Variants in TMEM132C observed in about 807,000 individuals in gnomAD.
TMEM132C encodes the protein protein phosphatase 1, regulatory subunit 152.
TMEM132C carries 29 observed loss-of-function variants against 61.4 expected under a neutral mutation model. The observed-to-expected ratio is 0.47, with a 90% confidence interval of 0.35 to 0.64. The LOEUF is 0.64. Among genes scored for constraint, TMEM132C ranks in the 30% least tolerant of loss-of-function variants. The probability of loss-of-function intolerance (pLI) is 0.00; values close to 1 mark genes in which losing one functional copy is unlikely to be tolerated. For synonymous variants in TMEM132C, 656 were observed against 633.1 expected, an observed-to-expected ratio of 1.04 and a Z score of -0.54; for missense variants, 1,408 against 1,476.9, an observed-to-expected ratio of 0.95 and a Z score of 0.76.
Position 128,324,429 on chromosome 12 carries a change from G to A in TMEM132C, c.85+56942G>A, listed in dbSNP as rs577243879. Among the ~76,000 whole-genome samples the A allele has an allele frequency of 6.6e-4, 100 of 152,226 alleles. No individual in the cohort carries two copies. The South Asian group carries it at 0.015, about 22-fold the overall frequency. ...TAGTACTTACTTGCTGACTCTCCACGTCCATGAGTGCATGTGTGTGGGTAT... is the reference window on the plus strand; with the variant it reads ...TAGTACTTACTTGCTGACTCTCCACATCCATGAGTGCATGTGTGTGGGTAT... On this transcript the variant is annotated intron_variant, in intron 1 of 8. Coordinates refer to ENST00000435159, the MANE Select transcript of TMEM132C (RefSeq NM_001136103.3).
chr12:128,556,492 T>C (rs1874333489), intron 3 of TMEM132C, among the ~76,000 whole-genome samples: 1 of 152,192 alleles, frequency 6.6e-6, no homozygotes, highest in Admixed American at 6.5e-5. Context: ...TTATAGGTTG[T>C]ACTTTTTTCA....
intron 5 of TMEM132C, among the ~76,000 whole-genome samples, chr12:128,679,541 A>G (rs1393095058): frequency 6.6e-6 from 1 of 152,216 alleles, no homozygotes; most frequent in Non-Finnish European, 1.5e-5. Context: ...TTATAGGAGC[A>G]CAAGTGGCCA....
At chr12:128,302,162 A>G (rs1233577498) in intron 1 of TMEM132C, among the ~76,000 whole-genome samples, 3 of 152,104 alleles carry the variant, frequency 2.0e-5, no homozygotes, top group African/African-American at 7.2e-5. Context: ...ATGGTCACTC[A>G]CCTTTGTGCC....
At chr12:128,575,857 T>G (rs1334094731) in intron 3 of TMEM132C, among the ~76,000 whole-genome samples, 1 of 152,214 alleles carries the variant, frequency 6.6e-6, no homozygotes, top group Non-Finnish European at 1.5e-5. Context: ...CACTCAGTAG[T>G]CTTTTGGTCC....
chr12:128,395,346 TAATG>T (rs1340345623), intron 1 of TMEM132C, among the ~76,000 whole-genome samples: 2 of 152,150 alleles, frequency 1.3e-5, no homozygotes, highest in Non-Finnish European at 2.9e-5. Flanking sequence ...AATTGTGTAA[TAATG>T]GTAACTATCT....
chr12:128,382,372 G>T (rs1024707114), intron 1 of TMEM132C, among the ~76,000 whole-genome samples: 5 of 152,174 alleles, frequency 3.3e-5, no homozygotes, highest in African/African-American at 1.2e-4. Flanking sequence ...AGACATCAAA[G>T]ATCGAGATAG....
chr12:128,396,908 C>G (rs1874977346), intron 1 of TMEM132C, among the ~76,000 whole-genome samples: 1 of 152,196 alleles, frequency 6.6e-6, no homozygotes, highest in Non-Finnish European at 1.5e-5. Flanking sequence ...TGGATAGCCT[C>G]TTCTATTATT....
At chr12:128,531,160 G>A (rs915554798) in intron 2 of TMEM132C, among the ~76,000 whole-genome samples, 2 of 152,184 alleles carry the variant, frequency 1.3e-5, no homozygotes, top group Non-Finnish European at 2.9e-5. Flanking sequence ...CCTTGCTGGG[G>A]ACCAGAACAG....
At chr12:128,666,247 GCACA>G (rs1432196378) in intron 4 of TMEM132C, among the ~76,000 whole-genome samples, 1 of 98,860 alleles carries the variant, frequency 1.0e-5, no homozygotes, top group African/African-American at 4.0e-5. Context: ...ACATTCACAG[GCACA>G]CACATTCACA....
intron 1 of TMEM132C, among the ~76,000 whole-genome samples, chr12:128,407,820 G>T (rs151063614): frequency 1.8e-3 from 278 of 152,318 alleles, no homozygotes; most frequent in African/African-American, 6.5e-3. Context: ...CTCTTGATGG[G>T]AGAACTGCAA....
chr12:128,325,394 G>A (rs937781848), intron 1 of TMEM132C, among the ~76,000 whole-genome samples: 1 of 151,950 alleles, frequency 6.6e-6, no homozygotes, highest in Non-Finnish European at 1.5e-5. Context: ...CCTTCCATAG[G>A]ATCACCATTC....
Position 128,465,201 on chromosome 12 carries a change from CT to C in TMEM132C, c.974+49596del, listed in dbSNP as rs776251493. Among the ~76,000 whole-genome samples the C allele has an allele frequency of 6.4e-3, 899 of 140,200 alleles. 5 individuals are homozygous for C. Among genetic ancestry groups the C allele is most frequent in the African/African-American group, 0.014 (530 of 38,424 alleles). The allele number at this position is 140,200 out of a possible 152,430, so 92.0% of individuals were successfully genotyped here. A position where few individuals can be genotyped will look rare whatever the true frequency, so the allele number is the denominator to read the frequency against. On this transcript the variant is annotated intron_variant, in intron 2 of 8. Coordinates refer to ENST00000435159, the MANE Select transcript of TMEM132C (RefSeq NM_001136103.3). The stretch of plus-strand genomic sequence containing the variant: ...TCATCATCCTGATCATTCTTCATTT[CT>C]TTTTTTTTTTTTTTGAGACAGTGTC...
In TMEM132C at chr12:128,414,668, T is replaced by G. The variant is rs766465359; in HGVS notation, c.86-64T>G. ...CTAAATGGCTTACAGACCTAACAGC[T>G]AATGAGCAGCCCATTAATAATCCTG... On this transcript the variant is annotated intron_variant, in intron 1 of 8. Coordinates refer to ENST00000435159, the MANE Select transcript of TMEM132C (RefSeq NM_001136103.3). The G allele has an allele frequency of 2.8e-5, 40 of 1,437,066 alleles. No homozygotes were observed. The Admixed American group carries it at 8.6e-4, about 31-fold the overall frequency. The allele number at this position is 1,437,066 out of a possible 1,614,324, so 89.0% of individuals were successfully genotyped here. A position where few individuals can be genotyped will look rare whatever the true frequency, so the allele number is the denominator to read the frequency against.
intron 1 of TMEM132C, among the ~76,000 whole-genome samples, chr12:128,307,625 C>T (rs920676856): frequency 6.6e-6 from 1 of 152,148 alleles, no homozygotes; most frequent in African/African-American, 2.4e-5. Flanking sequence ...CTAAATTATT[C>T]CTCGATGTCT....
rs1875593582 is a variant in TMEM132C, at chr12:128,587,505, C to G, written c.1122-28647C>G. On this transcript the variant is annotated intron_variant, in intron 3 of 8. Transcript: ENST00000435159. ...ACAATCACCTCGGGGGCTTAGATTTCAGCATCTGGATTTATCCGGGGGACA... is the reference window on the plus strand; with the variant it reads ...ACAATCACCTCGGGGGCTTAGATTTGAGCATCTGGATTTATCCGGGGGACA... Among the ~76,000 whole-genome samples, 3 of 152,238 alleles carry G rather than the reference C, an allele frequency of 2.0e-5. No individual in the cohort carries two copies. The South Asian group carries it at 6.2e-4, about 32-fold the overall frequency.
chr12:128,666,817 A>T (rs1954481417), intron 4 of TMEM132C, among the ~76,000 whole-genome samples: 1 of 152,236 alleles, frequency 6.6e-6, no homozygotes, highest in South Asian at 2.1e-4. Context: ...GATATTGGTC[A>T]GTGAAAAATA....
intron 3 of TMEM132C, among the ~76,000 whole-genome samples, chr12:128,559,216 TCAAA>T (rs1475674783): frequency 2.0e-5 from 3 of 151,222 alleles, no homozygotes; most frequent in East Asian, 3.9e-4. Flanking sequence ...CACTGCAACT[TCAAA>T]CAATTTTTTT....
chr12:128,668,045 G>C (rs1355470585), intron 4 of TMEM132C, among the ~76,000 whole-genome samples: 3 of 152,214 alleles, frequency 2.0e-5, no homozygotes, highest in Non-Finnish European at 4.4e-5. Context: ...GACTGAGGCA[G>C]GAGGATCGCT....
chr12:128,582,303 T>C (rs1875367144), intron 3 of TMEM132C, among the ~76,000 whole-genome samples: 1 of 152,314 alleles, frequency 6.6e-6, no homozygotes, highest in Non-Finnish European at 1.5e-5. Context: ...TAAGATTTCA[T>C]TTCAGGTCAG....
Sources: allele counts gnomAD v4.1 joint callset (sites outside exome capture counted in the v4.1 genomes callset), GRCh38; gene constraint gnomAD v4.1.1; transcripts MANE v1.5; gene names NCBI Gene and HGNC (gene_info 2026-07-23, HGNC 2026-07-21).